Variants in FAM135B observed in about 807,000 individuals in gnomAD.
FAM135B encodes the protein family with sequence similarity 135 member B.
Under a neutral mutation model 127.7 loss-of-function variants are expected in FAM135B, and 43 were observed. The ratio of observed to expected loss-of-function variants is 0.34; its 90% CI spans 0.26 to 0.43. The LOEUF is 0.43. Among genes scored for constraint, FAM135B ranks in the 20% least tolerant of loss-of-function variants. The pLI, the probability that FAM135B is intolerant of heterozygous loss-of-function variation, is 1.00. For synonymous variants in FAM135B, 670 were observed against 665.1 expected (o/e 1.01, Z -0.11); for missense variants, 1,558 against 1,725.6 (o/e 0.90, Z 1.72).
At chr8:138,365,429 C>A (rs1425636162) in intron 2 of FAM135B, among the ~76,000 whole-genome samples, 2 of 152,118 alleles carry the variant, frequency 1.3e-5, no homozygotes, top group East Asian at 3.9e-4. Context: ...GTAAGACTGT[C>A]AATATCTCAA....
chr8:138,167,543 A>G (rs1820045396), intron 12 of FAM135B, among the ~76,000 whole-genome samples: 1 of 152,162 alleles, frequency 6.6e-6, no homozygotes, highest in South Asian at 2.1e-4. Flanking sequence ...ATTTATTTGA[A>G]TGGCACATTT....
intron 15 of FAM135B, chr8:138,144,385 TG>T (rs1339376078): frequency 6.6e-6 from 1 of 152,228 alleles, no homozygotes; most frequent in Non-Finnish European, 1.5e-5. Flanking sequence ...CACTCCAGCC[TG>T]GGTGACAGAG....
intron 7 of FAM135B, among the ~76,000 whole-genome samples, chr8:138,214,069 T>A (rs1818353760): frequency 6.6e-6 from 1 of 152,110 alleles, no homozygotes; most frequent in South Asian, 2.1e-4. Flanking sequence ...CAGTCTCCCA[T>A]CCCAACACAA....
At chr8:138,418,164 T>C (rs1480008533) in intron 1 of FAM135B, among the ~76,000 whole-genome samples, 1 of 152,054 alleles carries the variant, frequency 6.6e-6, no homozygotes, top group Non-Finnish European at 1.5e-5. Flanking sequence ...TAATCAGAAG[T>C]ATTAACAGCA....
intron 3 of FAM135B, among the ~76,000 whole-genome samples, chr8:138,300,744 C>CA (rs1825822454): frequency 2.0e-5 from 2 of 100,492 alleles, no homozygotes; most frequent in Admixed American, 1.1e-4. Context: ...ATTTTATCCA[C>CA]TTTTTTTTTT....
Position 138,152,738 on chromosome 8 carries a change from C to T in FAM135B, c.1737G>A (p.Arg579=), listed in dbSNP as rs752946476. 1.2e-6 allele frequency: 2 copies of T among 1,614,192 alleles called. No individual in the cohort carries two copies. Among genetic ancestry groups the T allele is most frequent in the South Asian group, 1.1e-5 (1 of 91,086 alleles). The part of the protein sequence containing the change: ...LVAFNAQHES[R]SSRDKYGLDR... ...CTAATCCATACTTATCTCTAGAGCT[C>T]CTACTCTCATGCTGAGCATTGAAGG... Residue 579 remains arginine (R), a synonymous_variant, in exon 13 of 20, where the codon AGG becomes AGA. Transcript: ENST00000395297.
chr8:138,201,809 C>T lies in FAM135B; in HGVS notation c.670-4140G>A, dbSNP rs535925633. Among the ~76,000 whole-genome samples, 7 of 152,272 alleles carry T rather than the reference C, an allele frequency of 4.6e-5. No homozygotes were observed. The South Asian group carries it at 1.4e-3, about 32-fold the overall frequency. ...GAAGGTCCCTGGCCTGGGCCTACCCCACAACAGAAGCAGGACAAAAAATAG... is the reference window on the plus strand; with the variant it reads ...GAAGGTCCCTGGCCTGGGCCTACCCTACAACAGAAGCAGGACAAAAAATAG... On this transcript the variant is annotated intron_variant, in intron 7 of 19. Transcript: ENST00000395297.
intron 9 of FAM135B, among the ~76,000 whole-genome samples, chr8:138,192,985 G>C (rs952605051): frequency 1.3e-5 from 2 of 152,164 alleles, no homozygotes; most frequent in Non-Finnish European, 2.9e-5. Context: ...ACAGTGAGTA[G>C]GTAGAGAATT....
intron 1 of FAM135B, among the ~76,000 whole-genome samples, chr8:138,467,955 G>T (rs1837464201): frequency 1.3e-5 from 2 of 152,168 alleles, no homozygotes; most frequent in Admixed American, 1.3e-4. Flanking sequence ...AGTATTTAGA[G>T]TATACTGTCT....
At chr8:138,192,947 A>G (rs1816268518) in intron 9 of FAM135B, among the ~76,000 whole-genome samples, 1 of 152,216 alleles carries the variant, frequency 6.6e-6, no homozygotes, top group Non-Finnish European at 1.5e-5. Context: ...CGAGGTTCAT[A>G]AAGATTAAGC....
intron 1 of FAM135B, among the ~76,000 whole-genome samples, chr8:138,492,270 C>G (rs1815233636): frequency 6.6e-6 from 1 of 151,992 alleles, no homozygotes; most frequent in South Asian, 2.1e-4. Flanking sequence ...GGTCAAAGGT[C>G]CCTAGAATGT....
intron 3 of FAM135B, among the ~76,000 whole-genome samples, chr8:138,270,169 C>G (rs1345091349): frequency 6.6e-6 from 1 of 152,060 alleles, no homozygotes; most frequent in South Asian, 2.1e-4. Context: ...CCTGGAGAGC[C>G]CATCACTGGA....
At chr8:138,357,850 A>G (rs1430912471) in intron 2 of FAM135B, among the ~76,000 whole-genome samples, 1 of 152,138 alleles carries the variant, frequency 6.6e-6, no homozygotes, top group Admixed American at 6.6e-5. Context: ...CACTTTGTAG[A>G]TCTCAGATGT....
At chr8:138,262,903 G>GAAAAAAAAAAAAAAA (rs71316332) in intron 4 of FAM135B, among the ~76,000 whole-genome samples, 1 of 95,366 alleles carries the variant, frequency 1.0e-5, no homozygotes, top group African/African-American at 4.3e-5. Flanking sequence ...CTCTGTCTCA[G>GAAAAAAAAAAAAAAA]AAAAAAAAAA....
intron 1 of FAM135B, among the ~76,000 whole-genome samples, chr8:138,398,185 C>G (rs146363338): frequency 6.6e-6 from 1 of 152,248 alleles, no homozygotes; most frequent in African/African-American, 2.4e-5. Context: ...CACCCAGCAC[C>G]CATCAGAGCC....
chr8:138,354,995 T>G (rs1830001514), intron 2 of FAM135B, among the ~76,000 whole-genome samples: 1 of 152,130 alleles, frequency 6.6e-6, no homozygotes, highest in South Asian at 2.1e-4. Flanking sequence ...TATCTCCTAA[T>G]GCTATCCCTC....
intron 6 of FAM135B, among the ~76,000 whole-genome samples, chr8:138,247,124 C>T (rs1260104924): frequency 6.6e-6 from 1 of 152,172 alleles, no homozygotes; most frequent in Non-Finnish European, 1.5e-5. Context: ...GCAGAAGGGA[C>T]TTGCCTTGTC....
Position 138,141,187 on chromosome 8 carries a change from A to C in FAM135B, c.3790+11T>G. The stretch of plus-strand genomic sequence containing the variant: ...AATTCTGAGGAATGACGAGTCCTAG[A>C]AGAATCTTACCTGTACTAACCAGGG... On this transcript the variant is annotated intron_variant, in intron 17 of 19. Transcript: ENST00000395297. This position sits in a 1 kb window ranked among gnomAD's most constrained non-coding sequence, Gnocchi z 4.7. The C allele has an allele frequency of 6.2e-7, 1 of 1,613,700 alleles. No individual in the cohort carries two copies. Among genetic ancestry groups the C allele is most frequent in the Non-Finnish European group, 8.5e-7 (1 of 1,179,824 alleles).
intron 5 of FAM135B, among the ~76,000 whole-genome samples, chr8:138,255,050 GAC>G (rs1331501838): frequency 8.2e-6 from 1 of 121,386 alleles, no homozygotes; most frequent in Non-Finnish European, 1.7e-5. Flanking sequence ...TTTTTTTTGA[GAC>G]ACAGTCTTGC....
Sources: allele counts gnomAD v4.1 joint callset (sites outside exome capture counted in the v4.1 genomes callset), GRCh38; gene constraint gnomAD v4.1.1; non-coding constraint Gnocchi (gnomAD v3.1); transcripts MANE v1.5; gene names NCBI Gene and HGNC (gene_info 2026-07-23, HGNC 2026-07-21).